The following PRKDC variants were observed in gnomAD, a reference collection of about 807,000 sequenced individuals.
The protein encoded by PRKDC is protein kinase, DNA-activated, catalytic subunit, also known as DNA-dependent protein kinase catalytic subunit.
PRKDC carries 82 observed loss-of-function variants against 486.9 expected under a neutral mutation model. That is an observed-to-expected ratio of 0.17 (90% confidence interval 0.14 to 0.20). The LOEUF is 0.20. Among genes scored for constraint, PRKDC ranks in the 10% least tolerant of loss-of-function variants. PRKDC has a pLI of 1.00. For missense variants in PRKDC, 4,504 were observed against 5,038.2 expected, an observed-to-expected ratio of 0.89 and a Z score of 3.21; for synonymous variants, 1,895 against 1,837.0, an observed-to-expected ratio of 1.03 and a Z score of -0.81.
intron 4 of PRKDC, among the ~76,000 whole-genome samples, chr8:47,955,253 G>A (rs1445126202): frequency 6.6e-6 from 1 of 151,460 alleles, no homozygotes; most frequent in East Asian, 1.9e-4. Context: ...ACGAGGTCAG[G>A]AGATCGAGAC....
chr8:47,864,739 G>T lies in PRKDC; in HGVS notation c.5388C>A (p.Gly1796=), dbSNP rs2088766889. 3.1e-6 allele frequency: 5 copies of T among 1,598,116 alleles called. No individual in the cohort carries two copies. Among genetic ancestry groups the T allele is most frequent in the Non-Finnish European group, 4.3e-6 (5 of 1,171,072 alleles). The change falls in exon 41 of 86, where the codon GGC becomes GGA. Residue 1796 remains glycine, a synonymous_variant. Coordinates refer to ENST00000314191, the MANE Select transcript of PRKDC (RefSeq NM_006904.7). ...ACATTTCATACACGCTTTCCAGAAGGCCTACTTGTGTGACACATGAACCCC... is the reference window on the plus strand; with the variant it reads ...ACATTTCATACACGCTTTCCAGAAGTCCTACTTGTGTGACACATGAACCCC... ...ARRGSCVTQV[G]LLESVYEMFR... is the part of the protein sequence containing the mutation.
chr8:47,820,833 C>A lies in PRKDC; in HGVS notation c.9222G>T (p.Gln3074His). 6.2e-7 allele frequency: 1 copy of A among 1,613,532 alleles called. No homozygotes were observed. Among genetic ancestry groups the A allele is most frequent in the East Asian group, 2.2e-5 (1 of 44,882 alleles). The change falls in exon 66 of 86, where the codon CAG becomes CAT. Residue 3074 changes from glutamine to histidine, a missense_variant. Around this residue, in one of 6 missense-constraint regions of PRKDC, gnomAD observed 1,592 missense variants for 1,724.6 expected, o/e 0.92. Coordinates refer to ENST00000314191, the MANE Select transcript of PRKDC (RefSeq NM_006904.7). ...TGTAATGAAGCTCTAGAATCGCCTT[C>A]TGGAGCTCCCCGTGCATAGCTTTGT... is the stretch of plus-strand genomic sequence containing the variant. ...FIDKAMHGEL[Q>H]KAILELHYSQ...
At chr8:47,858,777 A>G (rs2088603732) in intron 47 of PRKDC, 72 bp downstream of exon 47, 2 of 1,530,342 alleles carry the variant, frequency 1.3e-6, no homozygotes, top group Admixed American at 2.2e-5. Flanking sequence ...TTTGTTTTCA[A>G]TATTAAATGT....
rs1331456734 is a variant in PRKDC at position 47,913,959 on chromosome 8, T to C, written c.2723A>G (p.Asp908Gly). 6.2e-7 allele frequency: 1 copy of C among 1,612,318 alleles called. No individual in the cohort carries two copies. Among genetic ancestry groups the C allele is most frequent in the South Asian group, 1.1e-5 (1 of 90,774 alleles). ...TTCTGTGACTCGAGGCAGGAACACA[T>C]CCAGGAAAATGACAGGTTTCATCTC... Reference protein sequence around the residue: ...FREMKPVIFLDVFLPRVTELA... With the variant: ...FREMKPVIFLGVFLPRVTELA... The change falls in exon 24 of 86, where the codon GAT (aspartate) becomes GGT (glycine). Residue 908 changes from aspartate to glycine, a missense_variant. By Grantham distance (94) the Asp-to-Gly change is moderately conservative. Around this residue, in one of 6 missense-constraint regions of PRKDC, gnomAD observed 1,969 missense variants for 2,068.9 expected, o/e 0.95. Transcript: ENST00000314191.
intron 71 of PRKDC, among the ~76,000 whole-genome samples, chr8:47,800,538 G>A (rs902091870): frequency 6.6e-6 from 1 of 151,930 alleles, no homozygotes; most frequent in African/African-American, 2.4e-5. Context: ...CAGCACACCA[G>A]CATGGCACAT....
chr8:47,922,752 T>A (rs548384272), intron 21 of PRKDC, among the ~76,000 whole-genome samples: 3 of 152,158 alleles, frequency 2.0e-5, no homozygotes, highest in Non-Finnish European at 4.4e-5. Context: ...AGTTACTATA[T>A]TGGAAACAGA....
intron 72 of PRKDC, 101 bp downstream of exon 72, chr8:47,799,109 G>GT: frequency 1.4e-6 from 2 of 1,405,654 alleles, no homozygotes; most frequent in Non-Finnish European, 1.9e-6. Context: ...CAAAATATTT[G>GT]TAATTTGAAA....
intron 56 of PRKDC, among the ~76,000 whole-genome samples, chr8:47,838,632 A>G (rs1231503584): frequency 6.6e-6 from 1 of 152,164 alleles, no homozygotes; most frequent in Non-Finnish European, 1.5e-5. Flanking sequence ...AATAATAATA[A>G]AAAGTTTACC....
chr8:47,821,706 G>T lies in PRKDC; in HGVS notation c.9009C>A (p.Asn3003Lys). The change falls in exon 65 of 86, where the codon AAC becomes AAA. Residue 3003 changes from asparagine (N) to lysine (K), a missense_variant. Physicochemically the swap from Asn to Lys is moderately conservative, Grantham distance 94. Coordinates refer to ENST00000314191, the MANE Select transcript of PRKDC (RefSeq NM_006904.7). Reference sequence around the variant, plus strand: ...CAAGTGATTTCCACTCAGCAAGGTGGTTGTAACAGTCAAGGGATGCAAGTT... The same window carrying T: ...CAAGTGATTTCCACTCAGCAAGGTGTTTGTAACAGTCAAGGGATGCAAGTT... ...FWELASLDCYNHLAEWKSLEY... is the reference protein window; with the variant it reads ...FWELASLDCYKHLAEWKSLEY... 6.2e-7 allele frequency: 1 copy of T among 1,601,120 alleles called. No homozygotes were observed. Among genetic ancestry groups the T allele is most frequent in the Non-Finnish European group, 8.5e-7 (1 of 1,173,186 alleles).
rs370348118 is a variant in PRKDC at position 47,930,304 on chromosome 8, G to A, written c.1893-292C>T. 2.2e-4 allele frequency among the ~76,000 whole-genome samples: 33 copies of A among 152,172 alleles called. 1 individual carries two copies. Among genetic ancestry groups the A allele is most frequent in the African/African-American group, 7.0e-4 (29 of 41,514 alleles). Reference sequence around the variant, plus strand: ...TATTTATTTTTTGAGACGGAGTCTCGCTCCGTTGCTCAGGCTGGAGTGCAG... The same window carrying A: ...TATTTATTTTTTGAGACGGAGTCTCACTCCGTTGCTCAGGCTGGAGTGCAG... On this transcript the variant is annotated intron_variant, in intron 17 of 85. Coordinates refer to ENST00000314191, the MANE Select transcript of PRKDC (RefSeq NM_006904.7).
chr8:47,894,062 C>G (rs932659936), intron 30 of PRKDC, among the ~76,000 whole-genome samples: 2 of 152,126 alleles, frequency 1.3e-5, no homozygotes, highest in African/African-American at 4.8e-5. Flanking sequence ...GGGCGGATCA[C>G]TTGAGGTCAA....
chr8:47,818,285 G>A (rs942229476), intron 67 of PRKDC, among the ~76,000 whole-genome samples: 3 of 151,980 alleles, frequency 2.0e-5, no homozygotes, highest in African/African-American at 7.3e-5. Context: ...TTGTTATAAA[G>A]ACTAGGTAAT....
chr8:47,944,174 T>C (rs867462326), intron 7 of PRKDC, 145 bp from the exon 8 acceptor site: 4 of 734,430 alleles, frequency 5.4e-6, no homozygotes, highest in South Asian at 5.3e-5. Flanking sequence ...CCAGCTAAAG[T>C]TGCAAGTTAT....
intron 10 of PRKDC, among the ~76,000 whole-genome samples, chr8:47,942,112 C>T (rs1007181494): frequency 1.2e-4 from 18 of 152,238 alleles, no homozygotes; most frequent in African/African-American, 2.4e-5. Flanking sequence ...CTCCTCCTTG[C>T]TAACAAGGCA....
intron 71 of PRKDC, among the ~76,000 whole-genome samples, chr8:47,800,162 T>C (rs1340027248): frequency 1.3e-5 from 2 of 152,028 alleles, no homozygotes; most frequent in African/African-American, 2.4e-5. Context: ...TGCACACGTA[T>C]GTTTATTGCG....
intron 25 of PRKDC, among the ~76,000 whole-genome samples, chr8:47,907,727 G>T (rs1376433507): frequency 6.6e-6 from 1 of 151,442 alleles, no homozygotes; most frequent in Non-Finnish European, 1.5e-5. Flanking sequence ...TAGCAACAGG[G>T]TTTCACCATG....
intron 28 of PRKDC, 43 bp downstream of exon 28, chr8:47,900,321 GGGGAAACTC>G: frequency 7.5e-7 from 1 of 1,334,326 alleles, no homozygotes. Context: ...ACTCCTCATT[GGGGAAACTC>G]TTCAGACCTG....
At chr8:47,893,498 C>A in intron 30 of PRKDC, 111 bp from the exon 31 acceptor site, 1 of 1,138,816 alleles carries the variant, frequency 8.8e-7, no homozygotes, top group Non-Finnish European at 1.2e-6. Flanking sequence ...CATTTTACTA[C>A]GCATTCAACT....
intron 21 of PRKDC, among the ~76,000 whole-genome samples, chr8:47,919,573 C>A (rs2090041168): frequency 6.6e-6 from 1 of 152,164 alleles, no homozygotes; most frequent in African/African-American, 2.4e-5. Context: ...TGGTTTAACT[C>A]CAGCAAGTCT....
Sources: allele counts gnomAD v4.1 joint callset (sites outside exome capture counted in the v4.1 genomes callset), GRCh38; gene constraint gnomAD v4.1.1; regional missense constraint gnomAD v4.1.1; transcripts MANE v1.5; gene names NCBI Gene and HGNC (gene_info 2026-07-23, HGNC 2026-07-21).